The following MTO1 variants were observed in gnomAD, a reference collection of about 807,000 sequenced individuals.
MTO1 encodes mitochondrial tRNA translation optimization 1.
MTO1 carries 46 observed loss-of-function variants against 71.6 expected under a neutral mutation model. That is an observed-to-expected ratio of 0.64 (90% confidence interval 0.51 to 0.82). The LOEUF (loss-of-function observed/expected upper bound fraction) is 0.82, where lower values mean the gene tolerates loss of function less well. Ranked by LOEUF, MTO1 falls within the 40% of genes least tolerant of loss-of-function variation. The pLI, the probability that MTO1 is intolerant of heterozygous loss-of-function variation, is 0.00. For missense variants in MTO1, 773 were observed against 867.5 expected (o/e 0.89, Z 1.37); for synonymous variants, 297 against 312.1 (o/e 0.95, Z 0.51).
intron 10 of MTO1, among the ~76,000 whole-genome samples, chr6:73,496,472 TTTTTTC>T (rs1771979647): frequency 6.6e-6 from 1 of 151,890 alleles, no homozygotes; most frequent in Non-Finnish European, 1.5e-5. Flanking sequence ...ATTTTCTTTT[TTTTTTC>T]TTTTTTTTAA....
rs747475822 is a variant in MTO1 at position 73,482,118 on chromosome 6, A to G, written c.1339A>G (p.Ile447Val). 1.9e-6 allele frequency: 3 copies of G among 1,614,154 alleles called. No individual in the cohort carries two copies. Among genetic ancestry groups the G allele is most frequent in the African/African-American group, 1.3e-5 (1 of 75,034 alleles). ...TGTGGTTAGCCGAACAGAAGGTTAC[A>G]TAGGAGTCTTGATTGATGACCTCAC... is the stretch of plus-strand genomic sequence containing the variant. The part of the protein sequence containing the change: ...PFVVSRTEGY[I>V]GVLIDDLTTL... Residue 447 changes from isoleucine (I) to valine (V), a missense_variant, in exon 8 of 12, where the codon ATA becomes GTA. Ile to Val is a conservative substitution (Grantham distance 29). Transcript: ENST00000498286.
chr6:73,498,349 C>G (rs549064612), intron 11 of MTO1, among the ~76,000 whole-genome samples: 3 of 151,570 alleles, frequency 2.0e-5, no homozygotes, highest in Non-Finnish European at 4.4e-5. Context: ...GAACTATTCT[C>G]TAGTCCCAAC....
intron 9 of MTO1, among the ~76,000 whole-genome samples, chr6:73,485,143 T>A (rs2150038868): frequency 6.6e-6 from 1 of 152,178 alleles, no homozygotes. Flanking sequence ...TGAATGTGAC[T>A]GATGTGTATT....
chr6:73,475,044 C>T (rs952361232), intron 4 of MTO1, among the ~76,000 whole-genome samples: 1 of 152,140 alleles, frequency 6.6e-6, no homozygotes, highest in African/African-American at 2.4e-5. Flanking sequence ...CGTGAGCCAC[C>T]GTGCCTGGCA....
At chr6:73,471,361 C>T in intron 3 of MTO1, 2 of 382,956 alleles carry the variant, frequency 5.2e-6, no homozygotes, top group African/African-American at 2.2e-5. Context: ...CTTTATTTTC[C>T]AGATTTAATG....
rs770538630 is a variant in MTO1, at chr6:73,482,599, C to A, written c.1616C>A (p.Thr539Asn). 9.4e-6 allele frequency: 15 copies of A among 1,603,950 alleles called. No homozygotes were observed. Among genetic ancestry groups the A allele is most frequent in the Non-Finnish European group, 1.2e-5 (14 of 1,177,928 alleles). ...KKLIPEASISTSRSLPVRALD... is the reference protein window; with the variant it reads ...KKLIPEASISNSRSLPVRALD... ...TTAATCCCAGAGGCTTCTATAAGTA[C>A]TAGTAGAAGTCTGCCTGTCAGGTAT... Residue 539 changes from threonine to asparagine, a missense_variant, in exon 9 of 12, where the codon ACT (threonine) becomes AAT (asparagine). Transcript: ENST00000498286.
intron 4 of MTO1, 44 bp downstream of exon 4, chr6:73,473,698 A>T: frequency 4.3e-6 from 6 of 1,380,788 alleles, no homozygotes; most frequent in Non-Finnish European, 6.0e-6. Context: ...GGTATTGGCT[A>T]TTCACAGCAG....
At chr6:73,483,998 C>T (rs1418223071) in intron 9 of MTO1, among the ~76,000 whole-genome samples, 1 of 151,864 alleles carries the variant, frequency 6.6e-6, no homozygotes, top group Non-Finnish European at 1.5e-5. Flanking sequence ...AGGCTGTGCT[C>T]GAACTCTTGA....
At chr6:73,494,431 T>C (rs956820344) in intron 10 of MTO1, among the ~76,000 whole-genome samples, 3 of 151,918 alleles carry the variant, frequency 2.0e-5, no homozygotes, top group African/African-American at 7.3e-5. Context: ...CCAGCCAGAA[T>C]GGTGATCATG....
At chr6:73,469,284 T>C (rs1053360446) in intron 3 of MTO1, among the ~76,000 whole-genome samples, 13 of 152,068 alleles carry the variant, frequency 8.5e-5, no homozygotes, top group Non-Finnish European at 1.5e-4. Context: ...ACCCAAAGTG[T>C]TGGGATTACA....
chr6:73,473,233 T>C (rs1195677255), intron 3 of MTO1, 132 bp from the exon 4 acceptor site: 3 of 965,822 alleles, frequency 3.1e-6, no homozygotes, highest in Non-Finnish European at 4.5e-6. Flanking sequence ...GAGCGGACAT[T>C]GCACCACTGC....
chr6:73,482,348 G>T (rs1479841268), intron 8 of MTO1, 101 bp from the exon 9 acceptor site: 1 of 1,547,944 alleles, frequency 6.5e-7, no homozygotes, highest in Non-Finnish European at 8.9e-7. Context: ...GAGGCCAGGA[G>T]TTTAGGACTA....
At chr6:73,462,254 A>G (rs1228996400) in intron 1 of MTO1, 183 bp downstream of exon 1, 1 of 644,758 alleles carries the variant, frequency 1.6e-6, no homozygotes, top group Non-Finnish European at 2.6e-6. Context: ...ACTCTATATT[A>G]GTCTATTCTG....
At chr6:73,471,640 A>C in intron 3 of MTO1, 1 of 207,494 alleles carries the variant, frequency 4.8e-6, no homozygotes, top group Non-Finnish European at 9.9e-6. Context: ...CTGGTCTTGA[A>C]CCCCAGGGCT....
rs201391134 is a variant in MTO1 at position 73,466,430 on chromosome 6, A to G, written c.417+22A>G. On this transcript the variant is annotated intron_variant, in intron 2 of 11. Transcript: ENST00000498286. The stretch of plus-strand genomic sequence containing the variant: ...GCAGGTAAGAATAGGGCATGAGCAC[A>G]GGAAAGATTATAGTGATTGTTTAAT... 52 of 1,613,680 alleles carry G rather than the reference A, an allele frequency of 3.2e-5. No homozygotes were observed. The Admixed American group carries it at 7.5e-4, about 23-fold the overall frequency.
At chr6:73,492,048 G>C (rs1366330838) in intron 9 of MTO1, 186 bp from the exon 10 acceptor site, 2 of 466,390 alleles carry the variant, frequency 4.3e-6, no homozygotes, top group Non-Finnish European at 7.8e-6. Flanking sequence ...ATTGCAGTGA[G>C]CCAAGATTGT....
intron 3 of MTO1, among the ~76,000 whole-genome samples, chr6:73,472,247 A>C (rs1177515039): frequency 6.6e-6 from 1 of 152,148 alleles, no homozygotes; most frequent in African/African-American, 2.4e-5. Flanking sequence ...TCTTTCAAAA[A>C]TACATTGAAA....
chr6:73,505,059 C>T lies in MTO1; in HGVS notation c.*4324C>T, dbSNP rs1041990720. On this transcript the variant is annotated 3_prime_UTR_variant, in exon 12 of 12. Transcript: ENST00000498286. ...ATTAGCTGGGCGTGGTGGCATGCGCCTGTAATCCGAGCTACTCAGGTGGCT... is the reference window on the plus strand; with the variant it reads ...ATTAGCTGGGCGTGGTGGCATGCGCTTGTAATCCGAGCTACTCAGGTGGCT... 1 of 152,144 alleles carries T rather than the reference C, an allele frequency of 6.6e-6. No homozygotes were observed. Among genetic ancestry groups the T allele is most frequent in the African/African-American group, 2.4e-5 (1 of 41,404 alleles). 9.4% of individuals were successfully genotyped at this position (152,144 alleles called of 1,614,324 possible).
At position 73,500,595 on chromosome 6, in the gene MTO1, C is replaced by T; in HGVS notation, c.1939C>T (p.Pro647Ser). 1.2e-6 allele frequency: 2 copies of T among 1,613,246 alleles called. No individual in the cohort carries two copies. Among genetic ancestry groups the T allele is most frequent in the Non-Finnish European group, 1.7e-6 (2 of 1,179,678 alleles). The change falls in exon 12 of 12, where the codon CCC (proline) becomes TCC (serine). Residue 647 changes from proline (P) to serine (S), a missense_variant. Physicochemically the swap from Pro to Ser is moderately conservative, Grantham distance 74. Transcript: ENST00000498286. ...TTAGATCGGGGCTGCTAGTCGCATA[C>T]CCGGAGTAACACCTGCCGCCATCAT... ...PQTIGAASRI[P>S]GVTPAAIINL... is the part of the protein sequence containing the mutation.
Sources: allele counts gnomAD v4.1 joint callset (sites outside exome capture counted in the v4.1 genomes callset), GRCh38; gene constraint gnomAD v4.1.1; transcripts MANE v1.5; gene names NCBI Gene and HGNC (gene_info 2026-07-23, HGNC 2026-07-21).